The following MACF1 variants were observed in gnomAD, a reference collection of about 807,000 sequenced individuals.
MACF1 encodes microtubule actin crosslinking factor 1, also known as microtubule-actin cross-linking factor 1.
Under a neutral mutation model 854.8 loss-of-function variants are expected in MACF1, and 193 were observed. The observed-to-expected ratio is 0.23, with a 90% CI of 0.20 to 0.25. The LOEUF is 0.25. Among genes scored for constraint, MACF1 ranks in the 10% least tolerant of loss-of-function variants. MACF1 has a pLI of 1.00. For synonymous variants in MACF1, 3,185 were observed against 3,226.7 expected (o/e 0.99, Z 0.44); for missense variants, 7,722 against 8,929.1 (o/e 0.86, Z 5.45).
upstream of MACF1, among the ~76,000 whole-genome samples, chr1:39,203,809 A>C (rs776284403): frequency 3.3e-5 from 5 of 152,186 alleles, no homozygotes; most frequent in African/African-American, 4.8e-5. Context: ...TAGGTAGTCC[A>C]TTATATGGAT....
intron 58 of MACF1, chr1:39,410,685 C>T (rs1180987994): frequency 1.2e-6 from 2 of 1,613,748 alleles, no homozygotes; most frequent in African/African-American, 2.7e-5. Flanking sequence ...TGCCACCCAA[C>T]TTCCCAGAAT....
At chr1:39,465,025 T>C in intron 94 of MACF1, 70 bp from the exon 95 acceptor site, 1 of 1,358,340 alleles carries the variant, frequency 7.4e-7, no homozygotes, top group East Asian at 2.3e-5. Flanking sequence ...TTCTTTAGTG[T>C]TAATTTGACA....
At chr1:39,459,615 G>A (rs764121079) in intron 91 of MACF1, among the ~76,000 whole-genome samples, 17 of 152,166 alleles carry the variant, frequency 1.1e-4, no homozygotes, top group Non-Finnish European at 2.2e-4. Flanking sequence ...CCCTTGTTGA[G>A]CCTTTCATGT....
chr1:39,207,703 A>G (rs961760682), intron 1 of MACF1, among the ~76,000 whole-genome samples: 2 of 152,190 alleles, frequency 1.3e-5, no homozygotes, highest in Non-Finnish European at 2.9e-5. Context: ...GCAAACAGTG[A>G]AGCTGTTATT....
At position 39,485,595 on chromosome 1, in the gene MACF1, G is replaced by A. The variant is rs1430358951; in HGVS notation, c.22469G>A (p.Arg7490Gln). Reference sequence around the variant, plus strand: ...CGGGCTGGGAGTCGAGCCGGGAGTCGAGCCAGCAGCCGGCGAGGAAGTGAC... The same window carrying A: ...CGGGCTGGGAGTCGAGCCGGGAGTCAAGCCAGCAGCCGGCGAGGAAGTGAC... Reference protein sequence around the residue: ...GSRAGSRAGSRASSRRGSDAS... With the variant: ...GSRAGSRAGSQASSRRGSDAS... Residue 7490 changes from arginine (R) to glutamine (Q), a missense_variant, in exon 101 of 101, where the codon CGA (arginine) becomes CAA (glutamine). Coordinates refer to ENST00000564288, the MANE Select transcript of MACF1 (RefSeq NM_001394062.1). 10 of 1,614,084 alleles carry A rather than the reference G, an allele frequency of 6.2e-6. No homozygotes were observed. Among genetic ancestry groups the A allele is most frequent in the Admixed American group, 3.3e-5 (2 of 60,004 alleles).
rs749044962 is a variant in MACF1, at chr1:39,442,491, C to T, written c.19028C>T (p.Thr6343Ile). 2 of 1,614,082 alleles carry T rather than the reference C, an allele frequency of 1.2e-6. No homozygotes were observed. Among genetic ancestry groups the T allele is most frequent in the South Asian group, 2.2e-5 (2 of 91,078 alleles). ...GAACTAATGAGTTGGCTGACTCATA[C>T]CGAAGAGTTGTTAGATGCTCAGAGA... is the stretch of plus-strand genomic sequence containing the variant. ...LEELMSWLTH[T>I]EELLDAQRPI... is the part of the protein sequence containing the mutation. Residue 6343 changes from threonine (T) to isoleucine (I), a missense_variant, in exon 77 of 101, where the codon ACC becomes ATC. By Grantham distance (89) the Thr-to-Ile change is moderately conservative (BLOSUM62 -1). Around this residue, in one of 15 missense-constraint regions of MACF1, gnomAD observed 2,807 missense variants for 3,235.8 expected, o/e 0.87. Transcript: ENST00000564288.
chr1:39,226,212 G>C (rs556715919), intron 1 of MACF1, among the ~76,000 whole-genome samples: 9 of 152,102 alleles, frequency 5.9e-5, no homozygotes, highest in Non-Finnish European at 1.3e-4. Context: ...GTACTTAAAC[G>C]TCTTTCTCCT....
At chr1:39,194,721 T>A (rs969861596) in intron 2 of MACF1, among the ~76,000 whole-genome samples, 27 of 138,610 alleles carry the variant, frequency 1.9e-4, no homozygotes, top group African/African-American at 7.1e-4. Context: ...CTCTATTGTC[T>A]TGCTCTGCTG....
intron 33 of MACF1, 122 bp from the exon 34 acceptor site, chr1:39,324,071 A>G: frequency 1.0e-6 from 1 of 1,002,396 alleles, no homozygotes; most frequent in Non-Finnish European, 1.4e-6. Context: ...GGTTATTTTC[A>G]CAGCCCACTT....
intron 2 of MACF1, among the ~76,000 whole-genome samples, chr1:39,186,649 C>A (rs1644177772): frequency 6.6e-6 from 1 of 151,466 alleles, no homozygotes; most frequent in Non-Finnish European, 1.5e-5. Context: ...ACTCTTCCAC[C>A]CAGGCTGGAG....
At chr1:39,414,077 C>T in intron 58 of MACF1, 1 of 1,606,770 alleles carries the variant, frequency 6.2e-7, no homozygotes. Context: ...AGTTCCCCAG[C>T]AGCTTCAGTG....
intron 2 of MACF1, among the ~76,000 whole-genome samples, chr1:39,085,719 A>G (rs1161944019): frequency 6.6e-6 from 1 of 152,200 alleles, no homozygotes; most frequent in Non-Finnish European, 1.5e-5. Context: ...TCGGCTGCTT[A>G]AAAACCACCT....
chr1:39,320,046 T>C (rs985888929), intron 31 of MACF1, among the ~76,000 whole-genome samples: 12 of 152,246 alleles, frequency 7.9e-5, no homozygotes, highest in Non-Finnish European at 1.0e-4. Context: ...TTCTTACTTG[T>C]CTTTCCTATC....
intron 58 of MACF1, among the ~76,000 whole-genome samples, chr1:39,417,712 A>ATTTTTTTTTTTTTTTTTT: frequency 1.5e-5 from 1 of 68,516 alleles, no homozygotes; most frequent in Admixed American, 1.6e-4. Flanking sequence ...ACACCCAGTT[A>ATTTTTTTTTTTTTTTTTT]ATTTTTTTTT....
chr1:39,400,056 T>C (rs1249114604), intron 58 of MACF1, among the ~76,000 whole-genome samples: 1 of 152,208 alleles, frequency 6.6e-6, no homozygotes, highest in Non-Finnish European at 1.5e-5. Flanking sequence ...TCCTTCCTTC[T>C]CTGCTAGTTA....
intron 4 of MACF1, among the ~76,000 whole-genome samples, chr1:39,252,845 T>G (rs1645056608): frequency 6.6e-6 from 1 of 152,172 alleles, no homozygotes; most frequent in African/African-American, 2.4e-5. Flanking sequence ...GTGAACAGAT[T>G]CTCCTATTTG....
At chr1:39,378,010 G>GAAA (rs1044287491) in intron 52 of MACF1, among the ~76,000 whole-genome samples, 1 of 134,094 alleles carries the variant, frequency 7.5e-6, no homozygotes, top group Non-Finnish European at 1.6e-5. Context: ...TCTCAAAAAA[G>GAAA]AAAAAAAAAA....
intron 2 of MACF1, among the ~76,000 whole-genome samples, chr1:39,102,340 A>G (rs923021010): frequency 6.6e-6 from 1 of 151,288 alleles, no homozygotes; most frequent in African/African-American, 2.4e-5. Flanking sequence ...GCCCTCAGGG[A>G]GCTTACGATT....
At chr1:39,472,416 G>A (rs913659907) in intron 97 of MACF1, among the ~76,000 whole-genome samples, 6 of 152,068 alleles carry the variant, frequency 3.9e-5, no homozygotes, top group South Asian at 2.1e-4. Context: ...TTTATTGTTT[G>A]TTGTCGCCTC....
Sources: gnomAD v4.1 joint callset for allele counts (sites outside exome capture counted in the v4.1 genomes callset) on GRCh38, gnomAD v4.1.1 for gene constraint, gnomAD v4.1.1 regional missense constraint, MANE v1.5 for transcripts, NCBI Gene and HGNC (gene_info 2026-07-23, HGNC 2026-07-21) for gene names.